F8: variants seen among roughly 807,000 people sequenced by gnomAD.
F8 encodes the protein coagulation factor VIII, also known as antihemophilic factor.
A neutral mutation model predicts 140.6 loss-of-function variants in F8; 12 were observed. The observed-to-expected ratio is 0.09, with a 90% CI of 0.05 to 0.14. F8 has a LOEUF of 0.14. Among genes scored for constraint, F8 ranks in the 10% least tolerant of loss-of-function variants. F8 has a pLI of 1.00. For missense variants in F8, 1,354 were observed against 1,720.7 expected (o/e 0.79, Z 3.77); for synonymous variants, 585 against 614.6 (o/e 0.95, Z 0.71).
intron 25 of F8, among the ~76,000 whole-genome samples, chrX:154,854,246 G>A (rs1557272328): frequency 1.8e-5 from 2 of 112,057 alleles, no homozygotes; most frequent in Non-Finnish European, 3.8e-5. Flanking sequence ...CTGTGAGAGT[G>A]TTTTTTGGTG....
intron 1 of F8, 73 bp from the exon 2 acceptor site, chrX:154,999,673 A>G: frequency 3.5e-6 from 4 of 1,131,614 alleles, no homozygotes; most frequent in Non-Finnish European, 4.8e-6. Flanking sequence ...ATGCTTCCAT[A>G]CTACTCTTTT....
intron 13 of F8, among the ~76,000 whole-genome samples, chrX:154,940,345 G>T (rs185156435): frequency 8.9e-6 from 1 of 112,137 alleles, no homozygotes; most frequent in South Asian, 3.7e-4. Context: ...TGAAAACCAC[G>T]GCACGAGAAC....
intron 13 of F8, among the ~76,000 whole-genome samples, chrX:154,940,000 C>T (rs782273538): frequency 1.7e-4 from 19 of 111,687 alleles, no homozygotes; most frequent in African/African-American, 5.5e-4. Flanking sequence ...ACATCCACAC[C>T]GAAAACCCAT....
chrX:154,949,891 C>T (rs1004569476), intron 12 of F8, among the ~76,000 whole-genome samples: 3 of 110,559 alleles, frequency 2.7e-5, no homozygotes, highest in African/African-American at 6.6e-5. Flanking sequence ...CTCAGTCTCC[C>T]GAGTAGCTGG....
chrX:155,013,336 T>C (rs782490051), intron 1 of F8, among the ~76,000 whole-genome samples: 1 of 109,685 alleles, frequency 9.1e-6, no homozygotes. Flanking sequence ...ATAAGTCTCA[T>C]GAGGGCTGAT....
At chrX:154,996,022 T>C (rs781949926) in intron 3 of F8, among the ~76,000 whole-genome samples, 11 of 111,457 alleles carry the variant, frequency 9.9e-5, no homozygotes, top group Admixed American at 7.7e-4. Flanking sequence ...TAAAATATTA[T>C]CTCCCCATAA....
intron 13 of F8, among the ~76,000 whole-genome samples, chrX:154,938,285 C>T (rs1159736408): frequency 9.0e-6 from 1 of 111,529 alleles, no homozygotes; most frequent in East Asian, 2.8e-4. Context: ...AGAAACAAAG[C>T]TACAGTGATA....
chrX:154,928,821 G>C lies in F8; in HGVS notation c.4969C>G (p.Gln1657Glu). The change falls in exon 14 of 26, where the codon CAA becomes GAA. Residue 1657 changes from glutamine to glutamate, a missense_variant. By Grantham distance (29) the Gln-to-Glu change is conservative. Transcript: ENST00000360256. Reference protein sequence around the residue: ...KQGRTERLCSQNPPVLKRHQR... With the variant: ...KQGRTERLCSENPPVLKRHQR... ...TGGCGTTTCAAGACTGGTGGGTTTT[G>C]AGAGCACAGCCTTTCAGTCCTACCT... 1 of 1,211,899 alleles carries C rather than the reference G, an allele frequency of 8.3e-7. No homozygotes were observed. Among genetic ancestry groups the C allele is most frequent in the Non-Finnish European group, 1.1e-6 (1 of 895,513 alleles).
Position 154,939,221 on chromosome X carries a change from G to A in F8, c.2114-7545C>T, listed in dbSNP as rs782265507. ...GTGAGCCGAAGCAGGGCGAGGCATC[G>A]CCTCACCCAGGAAGCACAAGGGGTC... On this transcript the variant is annotated intron_variant, in intron 13 of 25. Transcript: ENST00000360256. 2.3e-3 allele frequency among the ~76,000 whole-genome samples: 262 copies of A among 112,099 alleles called. 2 individuals carry two copies. Among genetic ancestry groups the A allele is most frequent in the Admixed American group, 6.4e-3 (68 of 10,654 alleles).
chrX:154,904,803 C>G lies in F8; in HGVS notation c.5586+8G>C. 1 of 1,207,047 alleles carries G rather than the reference C, an allele frequency of 8.3e-7. No individual in the cohort carries two copies. On this transcript the variant is annotated splice_region_variant and intron_variant, in intron 16 of 25. Coordinates refer to ENST00000360256, the MANE Select transcript of F8 (RefSeq NM_000132.4). ...AAAAAGTGGTCAGCACAATAGACAC[C>G]TGCTTACCAGGTCAACATCAGAGAA...
intron 22 of F8, among the ~76,000 whole-genome samples, chrX:154,874,593 G>A (rs1217751051): frequency 4.5e-5 from 5 of 111,864 alleles, no homozygotes; most frequent in Non-Finnish European, 7.5e-5. Context: ...TCTCCCATTC[G>A]GCCCTACCTC....
intron 13 of F8, among the ~76,000 whole-genome samples, chrX:154,938,254 C>T (rs1469349012): frequency 9.0e-6 from 1 of 111,085 alleles, no homozygotes; most frequent in African/African-American, 3.3e-5. Context: ...TGGATCATAA[C>T]CTACCCCTGA....
chrX:154,846,149 C>T (rs1173008235), intron 25 of F8, among the ~76,000 whole-genome samples: 3 of 111,961 alleles, frequency 2.7e-5, no homozygotes, highest in African/African-American at 9.7e-5. Flanking sequence ...TGCACTGTGG[C>T]CTGAGAGACA....
At chrX:154,893,687 A>G (rs2072962053) in intron 22 of F8, among the ~76,000 whole-genome samples, 1 of 111,578 alleles carries the variant, frequency 9.0e-6, no homozygotes, top group Admixed American at 9.5e-5. Context: ...GGTTTTATTT[A>G]ACCTTATATG....
intron 22 of F8, among the ~76,000 whole-genome samples, chrX:154,867,063 A>G (rs782215375): frequency 5.4e-5 from 6 of 112,065 alleles, no homozygotes; most frequent in Non-Finnish European, 7.5e-5. Flanking sequence ...AGGGACTATT[A>G]TAAGTGTCAA....
intron 6 of F8, among the ~76,000 whole-genome samples, chrX:154,973,396 T>G (rs1278539979): frequency 8.9e-6 from 1 of 112,745 alleles, no homozygotes; most frequent in African/African-American, 3.2e-5. Context: ...AGAATGACAT[T>G]GGAATTTTGA....
intron 14 of F8, among the ~76,000 whole-genome samples, chrX:154,913,843 C>A (rs1280328489): frequency 8.9e-6 from 1 of 112,501 alleles, no homozygotes; most frequent in Non-Finnish European, 1.9e-5. Context: ...CTTTTCCAGG[C>A]CCACGGTGCA....
At chrX:154,997,506 A>G (rs1052574305) in intron 2 of F8, among the ~76,000 whole-genome samples, 1 of 112,383 alleles carries the variant, frequency 8.9e-6, no homozygotes, top group Non-Finnish European at 1.9e-5. Context: ...CTTTCAGTGT[A>G]GTAGTCAGGA....
Position 154,854,590 on chromosome X carries a change from T to TTGTGTG in F8, c.6900+5836_6900+5841dup, listed in dbSNP as rs112995374. Among the ~76,000 whole-genome samples, 687 of 100,398 alleles carry TTGTGTG rather than the reference T, an allele frequency of 6.8e-3. 5 individuals are homozygous for TTGTGTG. Among genetic ancestry groups the TTGTGTG allele is most frequent in the South Asian group, 0.043 (89 of 2,076 alleles). 87.2% of individuals were successfully genotyped at this position (100,398 alleles called of 115,157 possible). On this transcript the variant is annotated intron_variant, in intron 25 of 25. Coordinates refer to ENST00000360256, the MANE Select transcript of F8 (RefSeq NM_000132.4). The stretch of plus-strand genomic sequence containing the variant: ...CTCCATAATCACATGAGCTAATTCC[T>TTGTGTG]TGTGTGTGTGTGTGTGTGTGTGTGT...
Sources: allele counts gnomAD v4.1 joint callset (sites outside exome capture counted in the v4.1 genomes callset), GRCh38; gene constraint gnomAD v4.1.1; transcripts MANE v1.5; gene names NCBI Gene and HGNC (gene_info 2026-07-23, HGNC 2026-07-21).